The following CCNY variants were observed in gnomAD, a reference collection of about 807,000 sequenced individuals.
CCNY encodes cyclin Y.
Under a neutral mutation model 42.8 loss-of-function variants are expected in CCNY, and 19 were observed. That is an observed-to-expected ratio of 0.44 (90% confidence interval 0.31 to 0.65). CCNY has a LOEUF of 0.65. CCNY is among the 30% of genes least tolerant of loss of function. CCNY has a pLI of 0.07. For missense variants in CCNY, 370 were observed against 437.3 expected (o/e 0.85, Z 1.37); for synonymous variants, 165 against 162.7 (o/e 1.01, Z -0.11).
chr10:35,547,131 C>T (rs993553285), intron 7 of CCNY, among the ~76,000 whole-genome samples: 1 of 152,110 alleles, frequency 6.6e-6, no homozygotes, highest in African/African-American at 2.4e-5. Flanking sequence ...GCCTGGGGCC[C>T]TAAGATCAGT....
chr10:35,423,437 A>G (rs1156948635), intron 1 of CCNY, among the ~76,000 whole-genome samples: 1 of 150,960 alleles, frequency 6.6e-6, no homozygotes, highest in Non-Finnish European at 1.5e-5. Flanking sequence ...GATTATACCA[A>G]TGCACTCCAG....
chr10:35,552,554 A>G (rs1441960515), intron 7 of CCNY, among the ~76,000 whole-genome samples: 1 of 152,250 alleles, frequency 6.6e-6, no homozygotes, highest in Non-Finnish European at 1.5e-5. Flanking sequence ...ATGGTAAATT[A>G]CATGTTGTGT....
At chr10:35,489,065 G>T (rs1332031099) in intron 2 of CCNY, among the ~76,000 whole-genome samples, 1 of 152,114 alleles carries the variant, frequency 6.6e-6, no homozygotes, top group Non-Finnish European at 1.5e-5. Flanking sequence ...GGATCACGAG[G>T]TCAGGAGATC....
At chr10:35,526,664 T>C (rs1202636782) in intron 5 of CCNY, among the ~76,000 whole-genome samples, 1 of 142,684 alleles carries the variant, frequency 7.0e-6, no homozygotes, top group East Asian at 2.1e-4. Flanking sequence ...ATGCATCCTT[T>C]CCAAGTTTTT....
chr10:35,497,779 T>G (rs1840031269), intron 2 of CCNY, among the ~76,000 whole-genome samples: 1 of 149,602 alleles, frequency 6.7e-6, no homozygotes, highest in Non-Finnish European at 1.5e-5. Flanking sequence ...CCTATGGTAA[T>G]GTCTTGGTTG....
intron 1 of CCNY, among the ~76,000 whole-genome samples, chr10:35,408,620 A>C (rs1373722447): frequency 6.6e-6 from 1 of 151,872 alleles, no homozygotes; most frequent in East Asian, 1.9e-4. Context: ...GAAACAAATC[A>C]CAATGGTAGA....
intron 1 of CCNY, among the ~76,000 whole-genome samples, chr10:35,432,560 A>G (rs977862981): frequency 1.3e-5 from 2 of 152,210 alleles, no homozygotes; most frequent in Admixed American, 1.3e-4. Context: ...ATTTTGTAAT[A>G]TTTAAGTACT....
chr10:35,306,973 T>TG, intron 3 of CCNY, among the ~76,000 whole-genome samples: 1 of 151,552 alleles, frequency 6.6e-6, no homozygotes, highest in South Asian at 2.1e-4. Context: ...AGGGAATCAG[T>TG]AAGTTCTCTC....
intron 1 of CCNY, among the ~76,000 whole-genome samples, chr10:35,460,281 G>C (rs1839128896): frequency 6.6e-6 from 1 of 152,186 alleles, no homozygotes; most frequent in Non-Finnish European, 1.5e-5. Context: ...ACTCACTGTA[G>C]GCATTGCATA....
Position 35,399,660 on chromosome 10 carries a change from A to G in CCNY, c.154+62453A>G, listed in dbSNP as rs867704162. ...AGTTCAAGACCAGCCTGGGCAACAT[A>G]ACGAGAGTCTGTCTCTACAAAAATA... On this transcript the variant is annotated intron_variant, in intron 1 of 9. Coordinates refer to ENST00000374704, the MANE Select transcript of CCNY (RefSeq NM_145012.6). Among the ~76,000 whole-genome samples, 61 of 152,212 alleles carry G rather than the reference A, an allele frequency of 4.0e-4. 1 individual carries two copies. Among genetic ancestry groups the G allele is most frequent in the Middle Eastern group, 6.3e-3 (2 of 316 alleles).
intron 3 of CCNY, among the ~76,000 whole-genome samples, chr10:35,322,350 TCTC>T (rs1835831171): frequency 7.7e-6 from 1 of 129,192 alleles, no homozygotes; most frequent in Non-Finnish European, 1.7e-5. Context: ...CAAGACTCTG[TCTC>T]AAAAAAAAAA....
rs188504289 is a variant in CCNY at position 35,330,022 on chromosome 10, A to C, written c.-9+79396A>C. Among the ~76,000 whole-genome samples, 139 of 152,320 alleles carry C rather than the reference A, an allele frequency of 9.1e-4. 1 individual carries two copies. Among genetic ancestry groups the C allele is most frequent in the African/African-American group, 3.1e-3 (130 of 41,562 alleles). On this transcript the variant is annotated intron_variant, in intron 3 of 11. Transcript: ENST00000374706. ...AGAGACAAGTACGTTAATACAACTC[A>C]TCAACTATCCCTGTTTTGCTTTCAA...
At chr10:35,423,843 C>T (rs554875132) in intron 1 of CCNY, among the ~76,000 whole-genome samples, 10 of 152,232 alleles carry the variant, frequency 6.6e-5, no homozygotes, top group Non-Finnish European at 1.0e-4. Context: ...TACAATTATC[C>T]GAAGGTCACT....
At chr10:35,461,177 AAG>A (rs1839150163) in intron 1 of CCNY, among the ~76,000 whole-genome samples, 1 of 152,194 alleles carries the variant, frequency 6.6e-6, no homozygotes, top group Admixed American at 6.5e-5. Context: ...GGTTGTGTTA[AAG>A]AGAAAATTAT....
At chr10:35,469,223 C>T (rs983503502) in intron 1 of CCNY, among the ~76,000 whole-genome samples, 1 of 152,228 alleles carries the variant, frequency 6.6e-6, no homozygotes, top group African/African-American at 2.4e-5. Context: ...GGCCGTTGAC[C>T]CTGCTTTCTT....
At chr10:35,303,934 G>A (rs1473997812) in intron 3 of CCNY, among the ~76,000 whole-genome samples, 1 of 152,170 alleles carries the variant, frequency 6.6e-6, no homozygotes, top group African/African-American at 2.4e-5. Flanking sequence ...AGATTACGAT[G>A]TGGGGAAAAC....
chr10:35,364,709 C>T (rs772795020), intron 1 of CCNY, among the ~76,000 whole-genome samples: 7 of 152,036 alleles, frequency 4.6e-5, no homozygotes, highest in Non-Finnish European at 1.0e-4. Context: ...TCATTTTTTC[C>T]AGCTACTCCT....
intron 3 of CCNY, among the ~76,000 whole-genome samples, chr10:35,508,638 A>C (rs1463744239): frequency 6.6e-6 from 1 of 152,166 alleles, no homozygotes; most frequent in Non-Finnish European, 1.5e-5. Flanking sequence ...AGAAATCATG[A>C]ATTCATACTG....
At chr10:35,442,969 T>C (rs1321703780) in intron 1 of CCNY, among the ~76,000 whole-genome samples, 1 of 152,250 alleles carries the variant, frequency 6.6e-6, no homozygotes, top group Non-Finnish European at 1.5e-5. Flanking sequence ...AGCATCTGAC[T>C]GGACTGAATA....
Sources: allele counts gnomAD v4.1 joint callset (sites outside exome capture counted in the v4.1 genomes callset), GRCh38; gene constraint gnomAD v4.1.1; transcripts MANE v1.5; gene names NCBI Gene and HGNC (gene_info 2026-07-23, HGNC 2026-07-21).